Variants in SULF1 observed in about 807,000 individuals in gnomAD.
The protein encoded by SULF1 is sulfatase 1.
In SULF1, 46 loss-of-function variants were observed where a neutral mutation model predicts 110.5. The observed-to-expected ratio is 0.42, with a 90% CI of 0.33 to 0.53. The LOEUF is 0.53. Among genes scored for constraint, SULF1 ranks in the 20% least tolerant of loss-of-function variants. The pLI is 0.12. For missense variants in SULF1, 941 were observed against 1,094.2 expected, an observed-to-expected ratio of 0.86 and a Z score of 1.98; for synonymous variants, 371 against 387.1, an observed-to-expected ratio of 0.96 and a Z score of 0.49.
intron 6 of SULF1, among the ~76,000 whole-genome samples, chr8:69,577,168 T>C: frequency 6.6e-6 from 1 of 152,230 alleles, no homozygotes; most frequent in East Asian, 1.9e-4. Context: ...CCCGTGCATC[T>C]CAAGGGTGTT....
intron 10 of SULF1, among the ~76,000 whole-genome samples, chr8:69,602,109 G>A (rs1434708291): frequency 6.6e-6 from 1 of 152,192 alleles, no homozygotes; most frequent in East Asian, 1.9e-4. Flanking sequence ...CAGACAGGAT[G>A]TGATCTTCTG....
At position 69,576,144 on chromosome 8, in the gene SULF1, C is replaced by T. The variant is rs769068348; in HGVS notation, c.347C>T (p.Ser116Leu). The stretch of plus-strand genomic sequence containing the variant: ...AACAACGAGAACTGCTCTTCCCCCT[C>T]GTGGCAGGCCATGCATGAGCCTCGG... ...YTNNENCSSP[S>L]WQAMHEPRTF... The change falls in exon 6 of 23, where the codon TCG becomes TTG. Residue 116 changes from serine (S) to leucine (L), a missense_variant. Ser to Leu is a moderately radical substitution (Grantham distance 145, BLOSUM62 -2). Transcript: ENST00000402687. 9.9e-6 allele frequency: 16 copies of T among 1,614,178 alleles called. No homozygotes were observed. The highest frequency in any genetic ancestry group is 1.4e-5 in the Non-Finnish European group (16 of 1,180,028).
At chr8:69,534,988 T>C (rs1813342361) in intron 3 of SULF1, among the ~76,000 whole-genome samples, 1 of 152,216 alleles carries the variant, frequency 6.6e-6, no homozygotes, top group African/African-American at 2.4e-5. Flanking sequence ...TTGCATGATA[T>C]ATCAATTAGA....
intron 6 of SULF1, among the ~76,000 whole-genome samples, chr8:69,579,564 C>CACAA (rs1486626075): frequency 1.1e-4 from 12 of 105,072 alleles, no homozygotes; most frequent in Admixed American, 2.7e-4. Flanking sequence ...CACACACACA[C>CACAA]AAAAAAAAAA....
intron 3 of SULF1, among the ~76,000 whole-genome samples, chr8:69,502,978 CAACCA>C (rs1251753691): frequency 6.6e-6 from 1 of 152,090 alleles, no homozygotes; most frequent in African/African-American, 2.4e-5. Context: ...TGAGCCACCA[CAACCA>C]GCCTGCTTGA....
chr8:69,588,479 T>G (rs1338125493), intron 7 of SULF1, among the ~76,000 whole-genome samples: 1 of 152,200 alleles, frequency 6.6e-6, no homozygotes, highest in Non-Finnish European at 1.5e-5. Flanking sequence ...TTCTTGTGTT[T>G]ATGTATTCAT....
chr8:69,627,503 G>C (rs1227817547), intron 16 of SULF1, among the ~76,000 whole-genome samples, 197 bp downstream of exon 16: 4 of 152,180 alleles, frequency 2.6e-5, no homozygotes, highest in Non-Finnish European at 5.9e-5. Context: ...TATGAGAAGA[G>C]ACTGGGAACT....
chr8:69,644,662 G>A (rs1357165573), intron 22 of SULF1, among the ~76,000 whole-genome samples: 1 of 151,568 alleles, frequency 6.6e-6, no homozygotes, highest in African/African-American at 2.4e-5. Flanking sequence ...GCGGGAGGCT[G>A]AGGCAGGAGA....
At chr8:69,469,173 G>A (rs1042733420) in intron 1 of SULF1, 1 of 152,230 alleles carries the variant, frequency 6.6e-6, no homozygotes, top group African/African-American at 2.4e-5. Context: ...AAAATCTACT[G>A]TCCCAGGTGG....
chr8:69,531,683 G>A (rs1459706034), intron 3 of SULF1, among the ~76,000 whole-genome samples: 1 of 152,130 alleles, frequency 6.6e-6, no homozygotes, highest in Non-Finnish European at 1.5e-5. Context: ...AAGTCTCTGC[G>A]GATAACCTGT....
intron 3 of SULF1, among the ~76,000 whole-genome samples, chr8:69,526,872 G>GGA (rs1563498619): frequency 1.5e-5 from 2 of 135,912 alleles, no homozygotes; most frequent in Non-Finnish European, 3.3e-5. Context: ...GAAGGAGGAA[G>GGA]GGAAGGGAAG....
intron 8 of SULF1, among the ~76,000 whole-genome samples, chr8:69,600,181 G>T (rs547377284): frequency 6.6e-6 from 1 of 151,988 alleles, no homozygotes; most frequent in Admixed American, 6.6e-5. Context: ...TCCACATAAC[G>T]TATTTGTGAC....
chr8:69,509,728 A>G (rs1330982548), intron 3 of SULF1, among the ~76,000 whole-genome samples: 1 of 152,214 alleles, frequency 6.6e-6, no homozygotes, highest in East Asian at 1.9e-4. Flanking sequence ...TGCCCTTCTC[A>G]CAGGGAAATA....
rs763827150 is a variant in SULF1, at chr8:69,635,869, CA to C, written c.2285-2619del. ...TGGGCAACAGAGCAAGAAACTGTCT[CA>C]AAAAAAAAAAAAAGTAAACTCTGTA... On this transcript the variant is annotated intron_variant, in intron 19 of 22. Transcript: ENST00000402687. Among the ~76,000 whole-genome samples the C allele has an allele frequency of 6.0e-3, 797 of 133,850 alleles. 3 individuals are homozygous for C. The highest frequency in any genetic ancestry group is 7.9e-3 in the Middle Eastern group (2 of 254). The allele number at this position is 133,850 out of a possible 152,430, so 87.8% of individuals were successfully genotyped here.
intron 3 of SULF1, among the ~76,000 whole-genome samples, chr8:69,532,456 C>T (rs1813152167): frequency 6.6e-6 from 1 of 152,086 alleles, no homozygotes; most frequent in African/African-American, 2.4e-5. Context: ...TCACTAACCC[C>T]CCTTTTCATT....
chr8:69,561,785 T>G (rs1815501057), intron 3 of SULF1, among the ~76,000 whole-genome samples: 1 of 152,210 alleles, frequency 6.6e-6, no homozygotes. Context: ...ATTTCTGTAT[T>G]TAACTATTTA....
intron 13 of SULF1, among the ~76,000 whole-genome samples, chr8:69,614,151 C>T (rs1440245536): frequency 6.6e-6 from 1 of 152,138 alleles, no homozygotes; most frequent in Non-Finnish European, 1.5e-5. Context: ...GTGCTGAGTT[C>T]TTACCGTGTG....
Position 69,559,963 on chromosome 8 carries a change from GC to G in SULF1, c.-133-3575del, listed in dbSNP as rs1221447877. ...ATTCATGCTAAGACAAAAGCGGAAA[GC>G]GGTTCTACCTACTATTGCTTTTATG... On this transcript the variant is annotated intron_variant, in intron 3 of 22. Transcript: ENST00000402687. Among the ~76,000 whole-genome samples the G allele has an allele frequency of 2.0e-5, 3 of 152,202 alleles. No homozygotes were observed. In the East Asian group the frequency reaches 5.8e-4, roughly 29 times the overall value.
At chr8:69,545,843 T>C (rs1413358744) in intron 3 of SULF1, among the ~76,000 whole-genome samples, 2 of 152,282 alleles carry the variant, frequency 1.3e-5, no homozygotes, top group Middle Eastern at 3.4e-3. Flanking sequence ...TTTTCTTTTG[T>C]TTTGTTTTGT....
Sources: gnomAD v4.1 joint callset for allele counts (sites outside exome capture counted in the v4.1 genomes callset) on GRCh38, gnomAD v4.1.1 for gene constraint, MANE v1.5 for transcripts, NCBI Gene and HGNC (gene_info 2026-07-23, HGNC 2026-07-21) for gene names.